GPAT3: variants seen among roughly 807,000 people sequenced by gnomAD.
GPAT3 encodes glycerol-3-phosphate acyltransferase 3.
Under a neutral mutation model 58.8 loss-of-function variants are expected in GPAT3, and 53 were observed. That is an observed-to-expected ratio of 0.90 (90% CI 0.72 to 1.13). The LOEUF (loss-of-function observed/expected upper bound fraction) is 1.13, where lower values mean the gene tolerates loss of function less well. Ranked by LOEUF, GPAT3 falls within the 50% of genes most tolerant of loss-of-function variation. The pLI, the probability that GPAT3 is intolerant of heterozygous loss-of-function variation, is 0.00. For missense variants in GPAT3, 511 were observed against 527.6 expected (o/e 0.97, Z 0.31); for synonymous variants, 197 against 187.4 (o/e 1.05, Z -0.42).
chr4:83,579,393 AG>A (rs1398713331), intron 2 of GPAT3, among the ~76,000 whole-genome samples: 1 of 149,970 alleles, frequency 6.7e-6, no homozygotes, highest in African/African-American at 2.5e-5. Context: ...TCTGGGCTCA[AG>A]TGATCCCCCT....
chr4:83,582,924 C>G (rs567872337), intron 3 of GPAT3, among the ~76,000 whole-genome samples: 22 of 152,242 alleles, frequency 1.4e-4, no homozygotes, highest in Non-Finnish European at 2.9e-4. Context: ...GCCCCCAAAA[C>G]AGGGTTCGTG....
rs1278719740 is a variant in GPAT3 at position 83,605,071 on chromosome 4, G to A, written c.*304G>A. On this transcript the variant is annotated 3_prime_UTR_variant, in exon 12 of 12. Transcript: ENST00000264409. ...TTGTATAGAAAAAAGTGCTTGAAAA[G>A]TGTGTTTGGAACTCATCGATAGGGT... 1 of 222,110 alleles carries A rather than the reference G, an allele frequency of 4.5e-6. No homozygotes were observed. Among genetic ancestry groups the A allele is most frequent in the African/African-American group, 2.3e-5 (1 of 43,150 alleles). 13.8% of individuals were successfully genotyped at this position (222,110 alleles called of 1,614,324 possible). A position where few individuals can be genotyped will look rare whatever the true frequency, so the allele number is the denominator to read the frequency against.
upstream of GPAT3, chr4:83,535,986 C>T (rs1310448747): frequency 3.2e-5 from 32 of 985,404 alleles, no homozygotes; most frequent in Non-Finnish European, 3.7e-5. Flanking sequence ...AGAACGGAGA[C>T]CGCCCAGGAG....
intron 2 of GPAT3, among the ~76,000 whole-genome samples, chr4:83,572,775 A>G (rs919021756): frequency 2.6e-5 from 4 of 152,226 alleles, no homozygotes; most frequent in African/African-American, 4.8e-5. Flanking sequence ...ATGTTTGGGA[A>G]GGGAAGCAGT....
chr4:83,548,822 T>A (rs948069056), intron 2 of GPAT3, among the ~76,000 whole-genome samples: 3 of 152,158 alleles, frequency 2.0e-5, no homozygotes. Flanking sequence ...TCTGCCCCTT[T>A]GCCCACCTAA....
chr4:83,545,318 G>A (rs1724466653), intron 2 of GPAT3, among the ~76,000 whole-genome samples: 2 of 152,084 alleles, frequency 1.3e-5, no homozygotes, highest in Non-Finnish European at 2.9e-5. Flanking sequence ...GTGCGCACCT[G>A]TAGTCCCAGC....
rs536585813 is a variant in GPAT3, at chr4:83,599,524, T to A, written c.1205+801T>A. ...CTATATGCCTATCTCACATTTAGGGTTCTTTTTCTTATGAAGAAAGCGGGA... is the reference window on the plus strand; with the variant it reads ...CTATATGCCTATCTCACATTTAGGGATCTTTTTCTTATGAAGAAAGCGGGA... On this transcript the variant is annotated intron_variant, in intron 11 of 11. Transcript: ENST00000264409. Among the ~76,000 whole-genome samples, 7 of 152,290 alleles carry A rather than the reference T, an allele frequency of 4.6e-5. No homozygotes were observed. The South Asian group carries it at 1.5e-3, about 32-fold the overall frequency.
rs111602651 is a variant in GPAT3, at chr4:83,600,669, A to AT, written c.1205+1954dup. On this transcript the variant is annotated intron_variant, in intron 11 of 11. Transcript: ENST00000264409. ...AGGCATGCACCACCATCCCCAGCTA[A>AT]TTTTTTTTGTATTTTTAGTAGAGAT... Among the ~76,000 whole-genome samples, 1,198 of 151,556 alleles carry AT rather than the reference A, an allele frequency of 7.9e-3. 24 individuals carry two copies. The East Asian group carries it at 0.084, about 11-fold the overall frequency.
At chr4:83,601,213 A>T (rs1420250722) in intron 11 of GPAT3, among the ~76,000 whole-genome samples, 1 of 152,214 alleles carries the variant, frequency 6.6e-6, no homozygotes, top group Non-Finnish European at 1.5e-5. Context: ...TATAATGTTG[A>T]TGAGAAAAAA....
At chr4:83,597,712 AC>A (rs1476597790) in intron 9 of GPAT3, among the ~76,000 whole-genome samples, 197 bp downstream of exon 9, 1 of 152,004 alleles carries the variant, frequency 6.6e-6, no homozygotes, top group African/African-American at 2.4e-5. Flanking sequence ...ATACTGGGTG[AC>A]TCTGTGCCAG....
chr4:83,544,141 A>G (rs1724414777), intron 1 of GPAT3, among the ~76,000 whole-genome samples: 1 of 152,132 alleles, frequency 6.6e-6, no homozygotes, highest in Admixed American at 6.5e-5. Context: ...ATGGGATAGG[A>G]TCTATTATCC....
At chr4:83,585,788 T>C (rs1188472681) in intron 3 of GPAT3, among the ~76,000 whole-genome samples, 2 of 152,188 alleles carry the variant, frequency 1.3e-5, no homozygotes, top group South Asian at 2.1e-4. Context: ...GGTTTCACCA[T>C]GTTGGCCAGG....
chr4:83,536,362 GC>G lies in GPAT3; in HGVS notation c.-260del. The G allele has an allele frequency of 2.5e-6, 3 of 1,216,572 alleles. No individual in the cohort carries two copies. The highest frequency in any genetic ancestry group is 3.1e-6 in the Non-Finnish European group (3 of 974,054). The allele number at this position is 1,216,572 out of a possible 1,614,324, so 75.4% of individuals were successfully genotyped here. ...ACTGGCTCGCGCTACCCAGGTCTCC[GC>G]ACGCCGCGGTGGCTTCAGCCCAGAC... On this transcript the variant is annotated 5_prime_UTR_variant, in exon 1 of 12. Transcript: ENST00000264409.
rs765139778 is a variant in GPAT3, at chr4:83,579,053, TCTTTCTTTCTTTCTTTCTTTCTTTCTTC to T, written c.209-2507_209-2480del. 2.2e-3 allele frequency among the ~76,000 whole-genome samples: 84 copies of T among 37,840 alleles called. 7 individuals are homozygous for T. The highest frequency in any genetic ancestry group is 5.7e-3 in the African/African-American group (53 of 9,308). 24.8% of individuals were successfully genotyped at this position (37,840 alleles called of 152,430 possible). A position where few individuals can be genotyped will look rare whatever the true frequency, so the allele number is the denominator to read the frequency against. Reference sequence around the variant, plus strand: ...TTCTTTCTTTCTTTCTTTCTTTCTTTCTTTCTTTCTTTCTTTCTTTCTTTCTTCCCTTCCTTCCTTCCTTCCTTCCTTC... The same window carrying T: ...TTCTTTCTTTCTTTCTTTCTTTCTTTCCTTCCTTCCTTCCTTCCTTCCTTC... On this transcript the variant is annotated intron_variant, in intron 2 of 11. Transcript: ENST00000264409.
At chr4:83,575,068 G>T (rs2110091835) in intron 2 of GPAT3, among the ~76,000 whole-genome samples, 1 of 151,896 alleles carries the variant, frequency 6.6e-6, no homozygotes, top group South Asian at 2.1e-4. Context: ...AGTAGAGGTG[G>T]GGTTTCACCG....
At chr4:83,580,143 G>A (rs1217948582) in intron 2 of GPAT3, among the ~76,000 whole-genome samples, 1 of 152,056 alleles carries the variant, frequency 6.6e-6, no homozygotes. Context: ...GTATTTAATA[G>A]TTAGAATTGA....
chr4:83,562,626 A>G (rs568416605), intron 2 of GPAT3, among the ~76,000 whole-genome samples: 2 of 152,250 alleles, frequency 1.3e-5, no homozygotes, highest in African/African-American at 4.8e-5. Flanking sequence ...GCAGAGGGTG[A>G]AAGATGAAAT....
intron 2 of GPAT3, among the ~76,000 whole-genome samples, chr4:83,557,648 C>G (rs950016434): frequency 6.6e-6 from 1 of 152,226 alleles, no homozygotes; most frequent in African/African-American, 2.4e-5. Context: ...AGAACTCTTT[C>G]ATGCAATCCA....
At chr4:83,535,655 G>A, upstream of GPAT3, 1 of 967,842 alleles carries the variant, frequency 1.0e-6, no homozygotes, top group Non-Finnish European at 1.2e-6. Flanking sequence ...GGAGATGGCG[G>A]CTCAGTGGGC....
Sources: allele counts gnomAD v4.1 joint callset (sites outside exome capture counted in the v4.1 genomes callset), GRCh38; gene constraint gnomAD v4.1.1; transcripts MANE v1.5; gene names NCBI Gene and HGNC (gene_info 2026-07-23, HGNC 2026-07-21).